Variants in CBL observed in about 807,000 individuals in gnomAD.
CBL encodes E3 ubiquitin-protein ligase CBL.
In CBL, 45 loss-of-function variants were observed where a neutral mutation model predicts 96.9. The ratio of observed to expected loss-of-function variants is 0.46; its 90% CI spans 0.37 to 0.60. The LOEUF (loss-of-function observed/expected upper bound fraction) is 0.60, where lower values mean the gene tolerates loss of function less well. Ranked by LOEUF, CBL falls within the 20% of genes least tolerant of loss-of-function variation. CBL has a pLI of 0.00. For missense variants in CBL, 1,024 were observed against 1,143.5 expected (o/e 0.90, Z 1.51); for synonymous variants, 420 against 426.8 (o/e 0.98, Z 0.20).
chr11:119,278,125 A>G (rs2135303377), intron 7 of CBL, 41 bp from the exon 8 acceptor site: 1 of 1,441,240 alleles, frequency 6.9e-7, no homozygotes, highest in Non-Finnish European at 9.7e-7. Flanking sequence ...AATTGCAGTT[A>G]TTTATTCAAC....
intron 12 of CBL, among the ~76,000 whole-genome samples, chr11:119,288,393 G>A (rs957660051): frequency 1.1e-4 from 17 of 152,144 alleles, no homozygotes; most frequent in African/African-American, 3.9e-4. Flanking sequence ...AGATCAGGGT[G>A]CCTGCATGGT....
chr11:119,254,593 T>A (rs905732945), intron 2 of CBL, among the ~76,000 whole-genome samples: 1 of 152,032 alleles, frequency 6.6e-6, no homozygotes, highest in South Asian at 2.1e-4. Flanking sequence ...TGTGGTATTA[T>A]AATCTTTTTT....
intron 1 of CBL, among the ~76,000 whole-genome samples, chr11:119,209,933 TA>T (rs1302031643): frequency 6.6e-6 from 1 of 152,214 alleles, no homozygotes; most frequent in Non-Finnish European, 1.5e-5. Flanking sequence ...AAACAAAAGT[TA>T]GACAGAGCCA....
At chr11:119,215,513 A>G (rs1362941379) in intron 1 of CBL, among the ~76,000 whole-genome samples, 2 of 151,904 alleles carry the variant, frequency 1.3e-5, no homozygotes, top group South Asian at 2.1e-4. Context: ...TAAAAATACA[A>G]AAATTAGCTG....
At chr11:119,221,747 A>G (rs537430623) in intron 1 of CBL, among the ~76,000 whole-genome samples, 17 of 151,736 alleles carry the variant, frequency 1.1e-4, no homozygotes, top group African/African-American at 4.1e-4. Flanking sequence ...AGCCTGGGCA[A>G]CAGAGAGAGA....
chr11:119,258,409 G>A (rs1039812475), intron 2 of CBL, among the ~76,000 whole-genome samples: 7 of 152,252 alleles, frequency 4.6e-5, no homozygotes, highest in Admixed American at 3.3e-4. Context: ...CATGGCCCGA[G>A]CAGGAGGAAG....
Position 119,237,022 on chromosome 11 carries a change from G to A in CBL, c.443+4327G>A, listed in dbSNP as rs564290074. Reference sequence around the variant, plus strand: ...GAGTAGTGTGATGTAATTTCACAACGTTCTACTTTATCCCAGCTGGGATGC... The same window carrying A: ...GAGTAGTGTGATGTAATTTCACAACATTCTACTTTATCCCAGCTGGGATGC... On this transcript the variant is annotated intron_variant, in intron 2 of 15. Coordinates refer to ENST00000264033, the MANE Select transcript of CBL (RefSeq NM_005188.4). Among the ~76,000 whole-genome samples, 259 of 152,218 alleles carry A rather than the reference G, an allele frequency of 1.7e-3. 2 individuals carry two copies. Among genetic ancestry groups the A allele is most frequent in the African/African-American group, 5.2e-3 (217 of 41,530 alleles).
intron 2 of CBL, among the ~76,000 whole-genome samples, chr11:119,233,445 G>C (rs1949519950): frequency 6.6e-6 from 1 of 152,074 alleles, no homozygotes; most frequent in Non-Finnish European, 1.5e-5. Flanking sequence ...TCTTGGCCAG[G>C]CTGGTCTCGA....
Position 119,278,556 on chromosome 11 carries a change from G to T in CBL, c.1274G>T (p.Gly425Val), listed in dbSNP as rs1949908282. ...GCPFCRCEIK[G>V]TEPIVVDPFD... ...CCTTTCTGCCGATGTGAAATTAAAGGTACTGAACCCATCGTGGTAGATCCG... is the reference window on the plus strand; with the variant it reads ...CCTTTCTGCCGATGTGAAATTAAAGTTACTGAACCCATCGTGGTAGATCCG... Residue 425 changes from glycine (G) to valine (V), a missense_variant, in exon 9 of 16, where the codon GGT (glycine) becomes GTT (valine). Coordinates refer to ENST00000264033, the MANE Select transcript of CBL (RefSeq NM_005188.4). 6.2e-7 allele frequency: 1 copy of T among 1,614,148 alleles called. No homozygotes were observed. The highest frequency in any genetic ancestry group is 8.5e-7 in the Non-Finnish European group (1 of 1,180,014).
chr11:119,244,581 A>ATTTTTTTTTTTTTTTTTTTTTTTTTTTTT (rs532837579), intron 2 of CBL, among the ~76,000 whole-genome samples: 5 of 104,394 alleles, frequency 4.8e-5, no homozygotes, highest in South Asian at 4.5e-4. Context: ...TGCCCGGCTA[A>ATTTTTTTTTTTTTTTTTTTTTTTTTTTTT]TTTTTTTTTT....
At chr11:119,282,496 T>TA (rs1272167096) in intron 9 of CBL, among the ~76,000 whole-genome samples, 6 of 152,182 alleles carry the variant, frequency 3.9e-5, no homozygotes, top group Admixed American at 6.5e-5. Context: ...TAAAGAATGA[T>TA]ACGGAAGTCG....
intron 11 of CBL, among the ~76,000 whole-genome samples, chr11:119,286,326 C>A (rs370030046): frequency 5.3e-5 from 8 of 152,152 alleles, no homozygotes; most frequent in East Asian, 3.9e-4. Context: ...TATTCACAGA[C>A]CAGATGAGGC....
At position 119,301,800 on chromosome 11, in the gene CBL, C is replaced by G. The variant is rs548141944; in HGVS notation, c.*2019C>G. On this transcript the variant is annotated 3_prime_UTR_variant, in exon 16 of 16. Coordinates refer to ENST00000264033, the MANE Select transcript of CBL (RefSeq NM_005188.4). The stretch of plus-strand genomic sequence containing the variant: ...TGGCAGTGAATATCAAACAGTAGAC[C>G]GCCATCAACTTCTAACAGCCAGTAC... The G allele has an allele frequency of 1.7e-5, 4 of 233,008 alleles. No individual in the cohort carries two copies. The highest frequency in any genetic ancestry group is 3.4e-5 in the Non-Finnish European group (4 of 118,028). 14.4% of individuals were successfully genotyped at this position (233,008 alleles called of 1,614,324 possible).
At chr11:119,241,109 TTCTA>T (rs1215898183) in intron 2 of CBL, among the ~76,000 whole-genome samples, 1 of 152,156 alleles carries the variant, frequency 6.6e-6, no homozygotes, top group African/African-American at 2.4e-5. Context: ...ATGTACATAA[TTCTA>T]TCTATTATTG....
At chr11:119,239,082 A>T (rs1320532888) in intron 2 of CBL, among the ~76,000 whole-genome samples, 1 of 151,710 alleles carries the variant, frequency 6.6e-6, no homozygotes, top group Non-Finnish European at 1.5e-5. Flanking sequence ...TGATCCTCCC[A>T]CCTCAGTCTC....
At chr11:119,258,551 C>T (rs1949728958) in intron 2 of CBL, among the ~76,000 whole-genome samples, 1 of 152,172 alleles carries the variant, frequency 6.6e-6, no homozygotes, top group South Asian at 2.1e-4. Context: ...TCACCTCCCA[C>T]CAGGCGCCAT....
chr11:119,250,873 C>G (rs1306629928), intron 2 of CBL, among the ~76,000 whole-genome samples: 5 of 152,180 alleles, frequency 3.3e-5, no homozygotes, highest in Non-Finnish European at 7.3e-5. Flanking sequence ...ATCACTTGAA[C>G]TTGGGAGGCA....
Position 119,278,684 on chromosome 11 carries a change from T to C in CBL, c.1402T>C (p.Phe468Leu), listed in dbSNP as rs775186352. 6.2e-7 allele frequency: 1 copy of C among 1,614,126 alleles called. No homozygotes were observed. The highest frequency in any genetic ancestry group is 1.1e-5 in the South Asian group (1 of 91,078). Residue 468 changes from phenylalanine to leucine, a missense_variant, in exon 9 of 16, where the codon TTC (phenylalanine) becomes CTC (leucine). By Grantham distance (22) the Phe-to-Leu change is conservative (BLOSUM62 0). Transcript: ENST00000264033. ...TGATGAACGAGCTGATGATACTCTC[T>C]TCATGATGAAGGAATTGGCTGGTGC... ...DDDERADDTL[F>L]MMKELAGAKV...
rs113849318 is a variant in CBL at position 119,212,982 on chromosome 11, G to A, written c.195+6370G>A. ...AGCAAAACTCCGTCTCAAAAAAAAA[G>A]AAAAAAAAAAAAATAGAGACAGAAT... On this transcript the variant is annotated intron_variant, in intron 1 of 15. Coordinates refer to ENST00000264033, the MANE Select transcript of CBL (RefSeq NM_005188.4). Among the ~76,000 whole-genome samples, 288 of 121,204 alleles carry A rather than the reference G, an allele frequency of 2.4e-3. 1 individual carries two copies. The highest frequency in any genetic ancestry group is 0.019 in the East Asian group (75 of 3,900). 79.5% of individuals were successfully genotyped at this position (121,204 alleles called of 152,430 possible). A position where few individuals can be genotyped will look rare whatever the true frequency, so the allele number is the denominator to read the frequency against.
Sources: gnomAD v4.1 joint callset for allele counts (sites outside exome capture counted in the v4.1 genomes callset) on GRCh38, gnomAD v4.1.1 for gene constraint, MANE v1.5 for transcripts, NCBI Gene and HGNC (gene_info 2026-07-23, HGNC 2026-07-21) for gene names.